ATXN1: variants seen among roughly 807,000 people sequenced by gnomAD.
ATXN1 encodes ataxin 1.
ATXN1 carries 8 observed loss-of-function variants against 56.4 expected under a neutral mutation model. That is an observed-to-expected ratio of 0.14 (90% CI 0.08 to 0.26). The LOEUF is 0.26. ATXN1 is among the 10% of genes least tolerant of loss of function. The pLI, the probability that ATXN1 is intolerant of heterozygous loss-of-function variation, is 1.00. For synonymous variants in ATXN1, 514 were observed against 494.6 expected (o/e 1.04, Z -0.52); for missense variants, 987 against 1,106.5 (o/e 0.89, Z 1.53).
At chr6:16,575,845 TTCCTTAAGACCAAGCAGCA>T (rs1762411131) in intron 4 of ATXN1, among the ~76,000 whole-genome samples, 1 of 152,170 alleles carries the variant, frequency 6.6e-6, no homozygotes, top group African/African-American at 2.4e-5. Context: ...CAGGAAAGAC[TTCCTTAAGACCAAGCAGCA>T]TCCTGCTTCC....
chr6:16,649,499 A>T (rs1181399383), intron 3 of ATXN1, among the ~76,000 whole-genome samples: 1 of 152,216 alleles, frequency 6.6e-6, no homozygotes, highest in East Asian at 1.9e-4. Context: ...GTTTAAAAAA[A>T]TGGTTTTTAG....
intron 6 of ATXN1, among the ~76,000 whole-genome samples, chr6:16,441,226 A>G (rs546679138): frequency 6.6e-6 from 1 of 152,296 alleles, no homozygotes; most frequent in African/African-American, 2.4e-5. Flanking sequence ...TTGAGAGCAG[A>G]ATCTAAATCG....
At chr6:16,394,192 G>T (rs1758409535) in intron 6 of ATXN1, among the ~76,000 whole-genome samples, 1 of 151,892 alleles carries the variant, frequency 6.6e-6, no homozygotes, top group Non-Finnish European at 1.5e-5. Context: ...CAGACTTTAG[G>T]CAACCCTCAC....
rs1761096449 is a variant in ATXN1 at position 16,761,357 on chromosome 6, A to G, written c.-789T>C. 2.2e-6 allele frequency: 1 copy of G among 455,910 alleles called. No individual in the cohort carries two copies. Among genetic ancestry groups the G allele is most frequent in the South Asian group, 1.5e-5 (1 of 64,526 alleles). The allele number at this position is 455,910 out of a possible 1,614,324, so 28.2% of individuals were successfully genotyped here. On this transcript the variant is annotated 5_prime_UTR_variant, in exon 1 of 8. Transcript: ENST00000436367. Reference sequence around the variant, plus strand: ...AAGGGGGGGCAGAGGGAGAGAAACAATGTCTTGCGGCTGCTGTTGCTCTGG... The same window carrying G: ...AAGGGGGGGCAGAGGGAGAGAAACAGTGTCTTGCGGCTGCTGTTGCTCTGG...
intron 5 of ATXN1, among the ~76,000 whole-genome samples, chr6:16,518,106 C>T (rs1451560789): frequency 9.5e-6 from 1 of 105,536 alleles, no homozygotes; most frequent in Non-Finnish European, 1.8e-5. Flanking sequence ...GATGCAGAAG[C>T]CCAAGCGCCA....
intron 4 of ATXN1, among the ~76,000 whole-genome samples, chr6:16,561,122 C>T (rs889779241): frequency 2.6e-5 from 4 of 151,480 alleles, no homozygotes; most frequent in South Asian, 2.1e-4. Context: ...AGATGACCTT[C>T]GGAAAAATTT....
intron 3 of ATXN1, among the ~76,000 whole-genome samples, chr6:16,623,857 C>A (rs539792219): frequency 2.6e-5 from 4 of 152,166 alleles, no homozygotes; most frequent in African/African-American, 9.6e-5. Context: ...GAATTATATC[C>A]CCAGAAAGCT....
At chr6:16,432,945 C>T (rs1392640566) in intron 6 of ATXN1, 1 of 152,184 alleles carries the variant, frequency 6.6e-6, no homozygotes, top group African/African-American at 2.4e-5. Flanking sequence ...TCAATCCTCA[C>T]CTCTCAGTTC....
intron 6 of ATXN1, among the ~76,000 whole-genome samples, chr6:16,359,586 G>C (rs973293739): frequency 2.6e-5 from 4 of 152,068 alleles, no homozygotes; most frequent in African/African-American, 9.7e-5. Context: ...CCTGCAGAGA[G>C]GAGCCACCCT....
intron 6 of ATXN1, among the ~76,000 whole-genome samples, chr6:16,346,988 C>G (rs1229967807): frequency 6.6e-6 from 1 of 152,168 alleles, no homozygotes; most frequent in Admixed American, 6.6e-5. Context: ...AGCGGCGGAC[C>G]CCGCCGGCCC....
intron 7 of ATXN1, among the ~76,000 whole-genome samples, chr6:16,314,651 T>C (rs935985830): frequency 6.6e-6 from 1 of 152,104 alleles, no homozygotes; most frequent in African/African-American, 2.4e-5. Flanking sequence ...AGTCTTGCTC[T>C]GTTGCCCAGG....
intron 6 of ATXN1, among the ~76,000 whole-genome samples, chr6:16,436,411 A>C (rs139195459): frequency 6.6e-6 from 1 of 152,224 alleles, no homozygotes; most frequent in East Asian, 1.9e-4. Flanking sequence ...TTTATAATGA[A>C]GTATTTTCCA....
In ATXN1 at chr6:16,306,990, A is replaced by T. The variant is rs1409254664; in HGVS notation, c.1918-131T>A. The T allele has an allele frequency of 1.8e-6, 2 of 1,124,222 alleles. No homozygotes were observed. Among genetic ancestry groups the T allele is most frequent in the Non-Finnish European group, 2.5e-6 (2 of 814,560 alleles). The allele number at this position is 1,124,222 out of a possible 1,614,324, so 69.6% of individuals were successfully genotyped here. ...ACACACACAGGCTGAATGGGGGAAA[A>T]TGACTCAGTTTGCAAACCTCCCTCT... On this transcript the variant is annotated intron_variant, in intron 7 of 7. Coordinates refer to ENST00000436367, the MANE Select transcript of ATXN1 (RefSeq NM_001128164.2). The surrounding 1 kb of genome is among the most constrained non-coding windows in gnomAD (Gnocchi z 5.2).
At chr6:16,417,572 A>G (rs111677701) in intron 6 of ATXN1, among the ~76,000 whole-genome samples, 7,086 of 151,794 alleles carry the variant, frequency 0.047, 227 homozygotes, top group Middle Eastern at 0.12. Flanking sequence ...CCGAGTAGCT[A>G]GGACTACAGG....
At chr6:16,643,104 T>C (rs1763736246) in intron 3 of ATXN1, among the ~76,000 whole-genome samples, 1 of 151,996 alleles carries the variant, frequency 6.6e-6, no homozygotes, top group Non-Finnish European at 1.5e-5. Context: ...ACCCCATCTC[T>C]ACTAAAAATA....
intron 5 of ATXN1, among the ~76,000 whole-genome samples, chr6:16,494,489 T>TA (rs1760734045): frequency 6.6e-6 from 1 of 152,186 alleles, no homozygotes; most frequent in Non-Finnish European, 1.5e-5. Context: ...AAAGGTTTTT[T>TA]AAAAAAATTA....
intron 6 of ATXN1, among the ~76,000 whole-genome samples, chr6:16,351,300 T>C: frequency 6.6e-6 from 1 of 152,190 alleles, no homozygotes; most frequent in East Asian, 1.9e-4. Context: ...TTTCAGTCTT[T>C]TCCTGATTGG....
At chr6:16,416,091 C>CA (rs372133593) in intron 6 of ATXN1, among the ~76,000 whole-genome samples, 19,360 of 110,320 alleles carry the variant, frequency 0.18, 2,028 homozygotes, top group African/African-American at 0.34. Flanking sequence ...ACCAAGCTTT[C>CA]AAAAAAAAAA....
intron 3 of ATXN1, among the ~76,000 whole-genome samples, chr6:16,586,341 A>G (rs1762624128): frequency 6.6e-6 from 1 of 152,200 alleles, no homozygotes; most frequent in African/African-American, 2.4e-5. Flanking sequence ...TCTAGCCACA[A>G]AATTATGCAA....
Sources: allele counts gnomAD v4.1 joint callset (sites outside exome capture counted in the v4.1 genomes callset), GRCh38; gene constraint gnomAD v4.1.1; non-coding constraint Gnocchi (gnomAD v3.1); transcripts MANE v1.5; gene names NCBI Gene and HGNC (gene_info 2026-07-23, HGNC 2026-07-21).